Variants in FRMD4A observed in about 807,000 individuals in gnomAD.
The protein encoded by FRMD4A is FERM domain-containing protein 4A.
In FRMD4A, 29 loss-of-function variants were observed where a neutral mutation model predicts 129.1. The ratio of observed to expected loss-of-function variants is 0.22; its 90% confidence interval spans 0.17 to 0.31. The LOEUF (loss-of-function observed/expected upper bound fraction) is 0.31. FRMD4A is among the 10% of genes least tolerant of loss of function. The probability of loss-of-function intolerance (pLI) is 1.00; values close to 1 mark genes in which losing one functional copy is unlikely to be tolerated. For synonymous variants in FRMD4A, 634 were observed against 571.6 expected (o/e 1.11, Z -1.56); for missense variants, 1,272 against 1,375.8 (o/e 0.92, Z 1.19).
At chr10:13,722,538 G>C (rs2089522276) in intron 12 of FRMD4A, among the ~76,000 whole-genome samples, 1 of 151,864 alleles carries the variant, frequency 6.6e-6, no homozygotes, top group South Asian at 2.1e-4. Context: ...GAGCCACTGT[G>C]GCTGGCCTCA....
chr10:14,239,614 G>A (rs1843963486), intron 2 of FRMD4A, among the ~76,000 whole-genome samples: 1 of 151,632 alleles, frequency 6.6e-6, no homozygotes, highest in South Asian at 2.1e-4. Flanking sequence ...GCGACATAGC[G>A]AGACTCCGTC....
chr10:13,685,461 C>G, intron 15 of FRMD4A: 1 of 984,734 alleles, frequency 1.0e-6, no homozygotes, highest in Non-Finnish European at 1.2e-6. Context: ...CCTACAGTTT[C>G]CATTTCTTAG....
rs376959985 is a variant in FRMD4A, at chr10:13,659,411, G to A, written c.1978C>T (p.Arg660Cys). The part of the protein sequence containing the change: ...GSNSLQNSPI[R>C]GLPHWNSQSS... ...TGGGAGTTCCAGTGCGGGAGGCCGCGGATGGGGCTGTTCTGCAAGGAGTTG... is the reference window on the plus strand; with the variant it reads ...TGGGAGTTCCAGTGCGGGAGGCCGCAGATGGGGCTGTTCTGCAAGGAGTTG... The change falls in exon 21 of 25, where the codon CGC (arginine) becomes TGC (cysteine). Residue 660 changes from arginine to cysteine, a missense_variant. By Grantham distance (180) the Arg-to-Cys change is radical. This residue lies in a region of FRMD4A where 972 missense variants were observed against 892.3 expected (regional missense o/e 1.09). Coordinates refer to ENST00000357447, the MANE Select transcript of FRMD4A (RefSeq NM_018027.5). 6 of 1,613,892 alleles carry A rather than the reference G, an allele frequency of 3.7e-6. No individual in the cohort carries two copies. The highest frequency in any genetic ancestry group is 4.2e-6 in the Non-Finnish European group (5 of 1,179,940).
chr10:14,153,760 G>A lies in FRMD4A; in HGVS notation c.45+176298C>T, dbSNP rs77453039. Among the ~76,000 whole-genome samples the A allele has an allele frequency of 2.4e-4, 37 of 152,282 alleles. No individual in the cohort carries two copies. The East Asian group carries it at 5.6e-3, about 23-fold the overall frequency. ...TCTCTGGCCAATCGCCTTTGGCACT[G>A]GGAAGCACTGGCAGAAAGTCGGAGG... On this transcript the variant is annotated intron_variant, in intron 2 of 24. Coordinates refer to ENST00000357447, the MANE Select transcript of FRMD4A (RefSeq NM_018027.5).
intron 12 of FRMD4A, among the ~76,000 whole-genome samples, chr10:13,726,716 A>G (rs2089920648): frequency 6.6e-6 from 1 of 152,056 alleles, no homozygotes; most frequent in Non-Finnish European, 1.5e-5. Context: ...GGCTCACTGC[A>G]GCCTCAACCT....
chr10:13,707,316 G>T, intron 12 of FRMD4A: 1 of 1,093,322 alleles, frequency 9.1e-7, no homozygotes, highest in Non-Finnish European at 1.2e-6. Context: ...CAGGCAATGT[G>T]GGTGTGGATT....
intron 2 of FRMD4A, among the ~76,000 whole-genome samples, chr10:13,954,624 C>T (rs2095397087): frequency 2.0e-5 from 3 of 152,212 alleles, no homozygotes; most frequent in Middle Eastern, 6.8e-3. Context: ...AGGAGAAATT[C>T]CCCTTCCAGC....
At chr10:13,866,603 C>T (rs1201802206) in intron 2 of FRMD4A, among the ~76,000 whole-genome samples, 2 of 152,122 alleles carry the variant, frequency 1.3e-5, no homozygotes, top group South Asian at 2.1e-4. Context: ...ATGAATGTCA[C>T]GCAGTTACAG....
At chr10:13,740,126 A>T (rs2090899981) in intron 11 of FRMD4A, 68 bp downstream of exon 11, 1 of 890,242 alleles carries the variant, frequency 1.1e-6, no homozygotes, top group Non-Finnish European at 1.9e-6. Flanking sequence ...AAGAAAACAT[A>T]TAACGAGATG....
intron 2 of FRMD4A, among the ~76,000 whole-genome samples, chr10:13,933,925 AGGATAACTGCATAG>A (rs974678985): frequency 6.6e-6 from 1 of 152,232 alleles, no homozygotes; most frequent in African/African-American, 2.4e-5. Context: ...AAATGTCACC[AGGATAACTGCATAG>A]GGAGATACAG....
intron 6 of FRMD4A, among the ~76,000 whole-genome samples, chr10:13,774,290 C>T (rs1193032888): frequency 6.6e-6 from 1 of 152,176 alleles, no homozygotes; most frequent in African/African-American, 2.4e-5. Flanking sequence ...GGGGCGTCTG[C>T]TGTGGCCATG....
rs138594679 is a variant in FRMD4A at position 14,048,849 on chromosome 10, A to C, written c.46-189937T>G. ...TTAGAATAGAATAGAATAGAATAGA[A>C]TAGAATAGAATAGAATAGAATAGAA... On this transcript the variant is annotated intron_variant, in intron 2 of 24. Transcript: ENST00000357447. 2.2e-4 allele frequency among the ~76,000 whole-genome samples: 21 copies of C among 96,942 alleles called. No homozygotes were observed. In the South Asian group the frequency reaches 6.1e-3, roughly 28 times the overall value. The allele number at this position is 96,942 out of a possible 152,430, so 63.6% of individuals were successfully genotyped here.
intron 2 of FRMD4A, among the ~76,000 whole-genome samples, chr10:14,058,640 C>T (rs1250225097): frequency 6.6e-6 from 1 of 152,180 alleles, no homozygotes; most frequent in Non-Finnish European, 1.5e-5. Context: ...TCTCAAGGTC[C>T]TTTCTCTGCT....
chr10:13,959,711 A>T (rs1277566443), intron 2 of FRMD4A, among the ~76,000 whole-genome samples: 1 of 152,124 alleles, frequency 6.6e-6, no homozygotes, highest in African/African-American at 2.4e-5. Context: ...AAGCTCATGC[A>T]TGTGCTCAGT....
chr10:13,919,728 A>G (rs1264807292), intron 2 of FRMD4A, among the ~76,000 whole-genome samples: 1 of 152,148 alleles, frequency 6.6e-6, no homozygotes, highest in East Asian at 1.9e-4. Context: ...ACTTGAGGTT[A>G]GGAGTTCGAG....
intron 22 of FRMD4A, chr10:13,656,036 C>T (rs917650886): frequency 1.3e-5 from 2 of 151,918 alleles, no homozygotes; most frequent in South Asian, 2.1e-4. Context: ...TCAGATATAA[C>T]GTCAAGGATA....
chr10:13,738,629 C>CT (rs36097311), intron 11 of FRMD4A, among the ~76,000 whole-genome samples: 34,928 of 151,044 alleles, frequency 0.23, 4,842 homozygotes, highest in Admixed American at 0.31. Flanking sequence ...CTGTTTATTC[C>CT]TTTTTTTTTG....
At chr10:13,769,773 G>A (rs1189914639) in intron 6 of FRMD4A, among the ~76,000 whole-genome samples, 1 of 152,192 alleles carries the variant, frequency 6.6e-6, no homozygotes, top group African/African-American at 2.4e-5. Context: ...GGGTGGAGGA[G>A]CTTGCCCCTT....
intron 2 of FRMD4A, among the ~76,000 whole-genome samples, chr10:13,864,105 C>G (rs1030704643): frequency 1.3e-5 from 2 of 152,024 alleles, no homozygotes; most frequent in South Asian, 4.2e-4. Context: ...AAGCGATTCT[C>G]CTGCCTCAGC....
Sources: gnomAD v4.1 joint callset for allele counts (sites outside exome capture counted in the v4.1 genomes callset) on GRCh38, gnomAD v4.1.1 for gene constraint, gnomAD v4.1.1 regional missense constraint, MANE v1.5 for transcripts, NCBI Gene and HGNC (gene_info 2026-07-23, HGNC 2026-07-21) for gene names.